Variants in MITF observed in about 807,000 individuals in gnomAD.
MITF encodes the protein microphthalmia-associated transcription factor.
A neutral mutation model predicts 60.5 loss-of-function variants in MITF; 17 were observed. The observed-to-expected ratio is 0.28, with a 90% CI of 0.19 to 0.42. The LOEUF (loss-of-function observed/expected upper bound fraction) is 0.42. Among genes scored for constraint, MITF ranks in the 10% least tolerant of loss-of-function variants. The pLI, the probability that MITF is intolerant of heterozygous loss-of-function variation, is 1.00. For synonymous variants in MITF, 260 were observed against 248.5 expected, an observed-to-expected ratio of 1.05 and a Z score of -0.43; for missense variants, 622 against 683.5, an observed-to-expected ratio of 0.91 and a Z score of 1.00.
chr3:69,887,029 A>C (rs192795504), intron 2 of MITF, among the ~76,000 whole-genome samples: 1 of 152,022 alleles, frequency 6.6e-6, no homozygotes, highest in Non-Finnish European at 1.5e-5. Context: ...TTATGTTTGC[A>C]TTTTTGGTTT....
At position 69,796,008 on chromosome 3, in the gene MITF, G is replaced by T. The variant is rs143300305; in HGVS notation, c.104+56307G>T. On this transcript the variant is annotated intron_variant, in intron 1 of 9. Coordinates refer to ENST00000352241, the MANE Select transcript of MITF (RefSeq NM_001354604.2). ...TTTTGTTTTTGTTTTTTGAGACGGA[G>T]TTGCGCTCAGTCGCCCAGGCTGGAG... Among the ~76,000 whole-genome samples the T allele has an allele frequency of 1.9e-3, 282 of 152,234 alleles. 2 individuals are homozygous for T. Among genetic ancestry groups the T allele is most frequent in the African/African-American group, 6.0e-3 (250 of 41,546 alleles).
At chr3:69,768,685 T>A (rs2062341321) in intron 1 of MITF, among the ~76,000 whole-genome samples, 1 of 152,224 alleles carries the variant, frequency 6.6e-6, no homozygotes, top group Non-Finnish European at 1.5e-5. Flanking sequence ...ATAAGTGGCT[T>A]ATTTTAAAGT....
At chr3:69,894,607 AC>A (rs1378274749) in intron 2 of MITF, among the ~76,000 whole-genome samples, 1 of 150,880 alleles carries the variant, frequency 6.6e-6, no homozygotes, top group Non-Finnish European at 1.5e-5. Context: ...AATCCCTTGA[AC>A]CCAGGAGGCA....
rs931595921 is a variant in MITF, at chr3:69,967,341, G to A, written c.*2093G>A. 8.6e-6 allele frequency: 2 copies of A among 232,524 alleles called. No homozygotes were observed. Among genetic ancestry groups the A allele is most frequent in the Admixed American group, 5.6e-5 (1 of 17,736 alleles). The allele number at this position is 232,524 out of a possible 1,614,324, so 14.4% of individuals were successfully genotyped here. A position where few individuals can be genotyped will look rare whatever the true frequency, so the allele number is the denominator to read the frequency against. On this transcript the variant is annotated 3_prime_UTR_variant, in exon 10 of 10. Coordinates refer to ENST00000352241, the MANE Select transcript of MITF (RefSeq NM_001354604.2). ...CGCAAATCTGCATGAACAGCTAATT[G>A]TACCATAGTGTTCATTGATACAATC...
rs549644415 is a variant in MITF at position 69,797,805 on chromosome 3, C to T, written c.104+58104C>T. 2.1e-3 allele frequency among the ~76,000 whole-genome samples: 313 copies of T among 152,284 alleles called. 1 individual carries two copies. The highest frequency in any genetic ancestry group is 7.1e-3 in the African/African-American group (297 of 41,552). ...AACCAAGGTTATCTTTATCTTTTTG[C>T]AGTCAGTGCCATGGTAACAGGTAGT... On this transcript the variant is annotated intron_variant, in intron 1 of 9. Transcript: ENST00000352241.
chr3:69,923,732 C>T (rs1035784446), intron 2 of MITF, among the ~76,000 whole-genome samples: 1 of 152,224 alleles, frequency 6.6e-6, no homozygotes, highest in Admixed American at 6.5e-5. Context: ...AGTCTATCCT[C>T]TTCCTCTTTA....
intron 1 of MITF, among the ~76,000 whole-genome samples, chr3:69,751,650 T>G (rs534864429): frequency 6.6e-6 from 1 of 151,214 alleles, no homozygotes; most frequent in East Asian, 2.0e-4. Flanking sequence ...ACCAGTCTAA[T>G]AAGTCTAAAT....
intron 5 of MITF, among the ~76,000 whole-genome samples, chr3:69,946,820 ACTGTCGTCAATCCATGCTAAT>A (rs1335319025): frequency 3.9e-5 from 6 of 152,140 alleles, no homozygotes; most frequent in African/African-American, 1.4e-4. Context: ...TTTGATGTGC[ACTGTCGTCAATCCATGCTAAT>A]CACAGCAGTA....
At chr3:69,938,870 T>C in intron 3 of MITF, 1 of 1,435,728 alleles carries the variant, frequency 7.0e-7, no homozygotes. Context: ...CTAAAATCTT[T>C]GCCCCTATGC....
chr3:69,943,456 T>C (rs1265451624), intron 5 of MITF, among the ~76,000 whole-genome samples: 1 of 152,158 alleles, frequency 6.6e-6, no homozygotes, highest in African/African-American at 2.4e-5. Flanking sequence ...TATATACCTA[T>C]ATTATGTGGT....
At chr3:69,808,693 G>C (rs549860486) in intron 1 of MITF, among the ~76,000 whole-genome samples, 31 of 152,162 alleles carry the variant, frequency 2.0e-4, no homozygotes, top group Admixed American at 1.9e-3. Context: ...CCTGGTGAGG[G>C]AAGAGGCTAG....
Position 69,967,641 on chromosome 3 carries a change from T to G in MITF, c.*2393T>G. On this transcript the variant is annotated 3_prime_UTR_variant, in exon 10 of 10. Coordinates refer to ENST00000352241, the MANE Select transcript of MITF (RefSeq NM_001354604.2). Reference sequence around the variant, plus strand: ...CATTGCCTGCCTCCCCCTCCCCTTCTCCTTAAGAGACAATTTCTGCAGGTG... The same window carrying G: ...CATTGCCTGCCTCCCCCTCCCCTTCGCCTTAAGAGACAATTTCTGCAGGTG... The G allele has an allele frequency of 4.3e-6, 1 of 233,240 alleles. No individual in the cohort carries two copies. Among genetic ancestry groups the G allele is most frequent in the Non-Finnish European group, 8.5e-6 (1 of 117,960 alleles). The allele number at this position is 233,240 out of a possible 1,614,324, so 14.4% of individuals were successfully genotyped here.
At chr3:69,774,935 C>T (rs981906966) in intron 1 of MITF, among the ~76,000 whole-genome samples, 9 of 152,216 alleles carry the variant, frequency 5.9e-5, no homozygotes, top group African/African-American at 2.2e-4. Context: ...GAGCCCTTGA[C>T]TTTCACATTG....
In MITF at chr3:69,755,211, C is replaced by T. The variant is rs575549639; in HGVS notation, c.104+15510C>T. On this transcript the variant is annotated intron_variant, in intron 1 of 9. Coordinates refer to ENST00000352241, the MANE Select transcript of MITF (RefSeq NM_001354604.2). Reference sequence around the variant, plus strand: ...GTGGAGAAATAAATAATGAGATACACTAATTGGGGTTACACAATACCAAGG... The same window carrying T: ...GTGGAGAAATAAATAATGAGATACATTAATTGGGGTTACACAATACCAAGG... 2.6e-5 allele frequency among the ~76,000 whole-genome samples: 4 copies of T among 152,254 alleles called. No homozygotes were observed. The South Asian group carries it at 8.3e-4, about 32-fold the overall frequency.
chr3:69,891,024 G>C (rs1314135924), intron 2 of MITF, among the ~76,000 whole-genome samples: 1 of 152,064 alleles, frequency 6.6e-6, no homozygotes, highest in Non-Finnish European at 1.5e-5. Flanking sequence ...CCTTAGTTTG[G>C]AGTTAGATCT....
chr3:69,949,226 C>A, intron 6 of MITF, 58 bp downstream of exon 6: 5 of 1,330,136 alleles, frequency 3.8e-6, no homozygotes, highest in Non-Finnish European at 5.4e-6. Context: ...CCTGATAAGA[C>A]AAAGTTATTG....
chr3:69,772,388 T>C (rs541915146), intron 1 of MITF, among the ~76,000 whole-genome samples: 1 of 152,364 alleles, frequency 6.6e-6, no homozygotes, highest in South Asian at 2.1e-4. Context: ...TGTTGGTTCA[T>C]GCCAGAAAGT....
At chr3:69,953,836 T>C (rs1409629984) in intron 7 of MITF, among the ~76,000 whole-genome samples, 1 of 151,900 alleles carries the variant, frequency 6.6e-6, no homozygotes, top group Non-Finnish European at 1.5e-5. Flanking sequence ...CATGTATTGC[T>C]GAGTAAGATG....
intron 1 of MITF, among the ~76,000 whole-genome samples, chr3:69,771,544 A>G (rs1179610359): frequency 6.6e-6 from 1 of 152,228 alleles, no homozygotes; most frequent in East Asian, 1.9e-4. Flanking sequence ...CAACACACAC[A>G]TAGCTGCTTC....
Sources: gnomAD v4.1 joint callset for allele counts (sites outside exome capture counted in the v4.1 genomes callset) on GRCh38, gnomAD v4.1.1 for gene constraint, MANE v1.5 for transcripts, NCBI Gene and HGNC (gene_info 2026-07-23, HGNC 2026-07-21) for gene names.